Variants in FOXP2 observed in about 807,000 individuals in gnomAD.
FOXP2 encodes the protein forkhead box protein P2.
In FOXP2, 12 loss-of-function variants were observed where a neutral mutation model predicts 115.8. That is an observed-to-expected ratio of 0.10 (90% confidence interval 0.07 to 0.17). The LOEUF is 0.17. Among genes scored for constraint, FOXP2 ranks in the 10% least tolerant of loss-of-function variants. FOXP2 has a pLI of 1.00. For synonymous variants in FOXP2, 328 were observed against 297.7 expected (o/e 1.10, Z -1.05); for missense variants, 629 against 843.5 (o/e 0.75, Z 3.15).
intron 16 of FOXP2, chr7:114,668,221 AATATAT>A (rs1168679078): frequency 1.3e-5 from 2 of 152,156 alleles, no homozygotes; most frequent in Non-Finnish European, 2.9e-5. Flanking sequence ...GTAGAATATG[AATATAT>A]ACCTGAGGTT....
chr7:114,273,383 T>A (rs1276019921), intron 1 of FOXP2, among the ~76,000 whole-genome samples: 1 of 152,042 alleles, frequency 6.6e-6, no homozygotes, highest in East Asian at 1.9e-4. Context: ...TGGTGAGTGT[T>A]CCCATGTGAG....
chr7:114,349,467 C>G (rs1398908970), intron 2 of FOXP2, among the ~76,000 whole-genome samples: 1 of 152,076 alleles, frequency 6.6e-6, no homozygotes, highest in East Asian at 1.9e-4. Flanking sequence ...ATTTTAATTC[C>G]TATGCTATCT....
chr7:114,467,433 G>A (rs938175628), intron 2 of FOXP2, among the ~76,000 whole-genome samples: 3 of 152,046 alleles, frequency 2.0e-5, no homozygotes, highest in South Asian at 2.1e-4. Context: ...AGAGAGCATC[G>A]GAAGGAAAGA....
intron 1 of FOXP2, among the ~76,000 whole-genome samples, chr7:114,415,572 T>G (rs1383680929): frequency 2.6e-5 from 4 of 151,730 alleles, no homozygotes; most frequent in African/African-American, 7.3e-5. Flanking sequence ...AGTAGCGTAA[T>G]GTAGATTTAA....
At chr7:114,565,051 T>C (rs1800939463) in intron 3 of FOXP2, among the ~76,000 whole-genome samples, 1 of 151,734 alleles carries the variant, frequency 6.6e-6, no homozygotes, top group Non-Finnish European at 1.5e-5. Flanking sequence ...GAACTGAATC[T>C]CAATATAATT....
chr7:114,204,677 T>G (rs1268944770), intron 1 of FOXP2, among the ~76,000 whole-genome samples: 1 of 152,190 alleles, frequency 6.6e-6, no homozygotes, highest in Non-Finnish European at 1.5e-5. Flanking sequence ...CTATCAAAAT[T>G]GTTTGCTTTT....
intron 2 of FOXP2, among the ~76,000 whole-genome samples, chr7:114,372,737 T>G (rs2129189813): frequency 6.6e-6 from 1 of 152,262 alleles, no homozygotes; most frequent in East Asian, 1.9e-4. Flanking sequence ...TTTGTTTTGT[T>G]TTGTTTTGTT....
At chr7:114,235,386 C>T (rs1222208594) in intron 1 of FOXP2, among the ~76,000 whole-genome samples, 1 of 151,254 alleles carries the variant, frequency 6.6e-6, no homozygotes, top group Non-Finnish European at 1.5e-5. Context: ...CTTGCAGCAC[C>T]TATGTTTTTT....
At chr7:114,577,111 TA>T (rs1428943620) in intron 3 of FOXP2, among the ~76,000 whole-genome samples, 1 of 152,002 alleles carries the variant, frequency 6.6e-6, no homozygotes, top group Admixed American at 6.6e-5. Flanking sequence ...TGCATAGGAT[TA>T]AAAAATTATG....
chr7:114,495,802 C>T (rs547727621), intron 2 of FOXP2, among the ~76,000 whole-genome samples: 4 of 152,080 alleles, frequency 2.6e-5, no homozygotes, highest in Admixed American at 1.3e-4. Context: ...CAACCATGCC[C>T]GGCCACATTT....
chr7:114,599,393 G>A (rs75348161), intron 3 of FOXP2, among the ~76,000 whole-genome samples: 17,344 of 151,994 alleles, frequency 0.11, 1,089 homozygotes, highest in Middle Eastern at 0.18. Flanking sequence ...TAAATTAACT[G>A]CAAGAGTTTG....
At chr7:114,488,619 A>T (rs1268800685) in intron 2 of FOXP2, among the ~76,000 whole-genome samples, 1 of 152,176 alleles carries the variant, frequency 6.6e-6, no homozygotes, top group African/African-American at 2.4e-5. Flanking sequence ...CAGTGAAAAA[A>T]TGGCCATAGT....
chr7:114,663,594 T>C, intron 15 of FOXP2, 75 bp downstream of exon 15: 1 of 1,119,202 alleles, frequency 8.9e-7, no homozygotes, highest in Non-Finnish European at 1.3e-6. Flanking sequence ...TCTTTGTATT[T>C]AGGTGAGATT....
chr7:114,225,531 G>A (rs1799247), intron 1 of FOXP2, among the ~76,000 whole-genome samples: 127,748 of 151,980 alleles, frequency 0.84, 54,515 homozygotes, highest in Admixed American at 0.92. Context: ...TGCAACCACA[G>A]ACTCCTGCTC....
chr7:114,511,341 AC>A (rs1272929442), intron 2 of FOXP2, among the ~76,000 whole-genome samples: 1 of 152,194 alleles, frequency 6.6e-6, no homozygotes, highest in Non-Finnish European at 1.5e-5. Flanking sequence ...GTATCCCAGA[AC>A]TTAAAGTATA....
At chr7:114,541,385 T>G (rs1799653686) in intron 3 of FOXP2, among the ~76,000 whole-genome samples, 2 of 152,108 alleles carry the variant, frequency 1.3e-5, no homozygotes, top group South Asian at 2.1e-4. Context: ...GCAATCAAAT[T>G]AGCATTGGAT....
intron 2 of FOXP2, among the ~76,000 whole-genome samples, chr7:114,324,095 G>A (rs1352271959): frequency 6.6e-6 from 1 of 151,814 alleles, no homozygotes; most frequent in Admixed American, 6.6e-5. Flanking sequence ...TCTGTTGTTG[G>A]AATTTTCTGT....
chr7:114,240,957 AT>A (rs1795136736), intron 1 of FOXP2, among the ~76,000 whole-genome samples: 1 of 151,928 alleles, frequency 6.6e-6, no homozygotes, highest in African/African-American at 2.4e-5. Context: ...TAACACTTTT[AT>A]TTTTTTGTAT....
At chr7:114,248,304 C>G (rs1174239161) in intron 1 of FOXP2, among the ~76,000 whole-genome samples, 3 of 151,894 alleles carry the variant, frequency 2.0e-5, no homozygotes, top group African/African-American at 4.8e-5. Context: ...TTGAGGAGAC[C>G]ATCTGGTTTA....
Sources: gnomAD v4.1 joint callset for allele counts (sites outside exome capture counted in the v4.1 genomes callset) on GRCh38, gnomAD v4.1.1 for gene constraint, MANE v1.5 for transcripts, NCBI Gene and HGNC (gene_info 2026-07-23, HGNC 2026-07-21) for gene names.